The following SNX29 variants were observed in gnomAD, a reference collection of about 807,000 sequenced individuals.
The protein encoded by SNX29 is sorting nexin 29.
A neutral mutation model predicts 102.1 loss-of-function variants in SNX29; 78 were observed. That is an observed-to-expected ratio of 0.76 (90% CI 0.64 to 0.92). The LOEUF is 0.92. Ranked by LOEUF, SNX29 falls within the 40% of genes least tolerant of loss-of-function variation. The probability of loss-of-function intolerance (pLI) is 0.00; values close to 1 mark genes in which losing one functional copy is unlikely to be tolerated. For missense variants in SNX29, 1,280 were observed against 1,061.7 expected, an observed-to-expected ratio of 1.21 and a Z score of -2.86; for synonymous variants, 580 against 414.5, an observed-to-expected ratio of 1.40 and a Z score of -4.85.
intron 14 of SNX29, among the ~76,000 whole-genome samples, chr16:12,262,738 G>A (rs141477169): frequency 8.3e-4 from 126 of 152,330 alleles, no homozygotes; most frequent in Middle Eastern, 3.4e-3. Flanking sequence ...TCTGGACTTA[G>A]GCATTTGAAT....
chr16:12,043,906 C>G (rs2049985612), intron 5 of SNX29, among the ~76,000 whole-genome samples: 1 of 152,112 alleles, frequency 6.6e-6, no homozygotes, highest in African/African-American at 2.4e-5. Context: ...GCCTGTGCCA[C>G]CATACTCAGC....
Position 12,572,896 on chromosome 16 carries a change from G to C in SNX29, c.*4267G>C, listed in dbSNP as rs141498213. ...TGTCTTGACTCTGCCTTGGCATTTC[G>C]CTCGGAATCACGGCAGACTTGGAGT... is the stretch of plus-strand genomic sequence containing the variant. On this transcript the variant is annotated 3_prime_UTR_variant, in exon 21 of 21. Coordinates refer to ENST00000566228, the MANE Select transcript of SNX29 (RefSeq NM_032167.5). The C allele has an allele frequency of 3.8e-5, 40 of 1,039,900 alleles. No homozygotes were observed. The African/African-American group carries it at 5.8e-4, about 15-fold the overall frequency. The allele number at this position is 1,039,900 out of a possible 1,614,324, so 64.4% of individuals were successfully genotyped here.
At chr16:12,242,167 T>G (rs1453007334) in intron 14 of SNX29, among the ~76,000 whole-genome samples, 1 of 151,684 alleles carries the variant, frequency 6.6e-6, no homozygotes, top group Non-Finnish European at 1.5e-5. Flanking sequence ...TGTATGGGGG[T>G]TTAGGTTTCT....
At chr16:12,108,134 G>T (rs1440829182) in intron 11 of SNX29, among the ~76,000 whole-genome samples, 1 of 152,218 alleles carries the variant, frequency 6.6e-6, no homozygotes, top group African/African-American at 2.4e-5. Context: ...AGATGGGCCA[G>T]GCTCTTTTTG....
intron 19 of SNX29, among the ~76,000 whole-genome samples, chr16:12,521,909 T>G (rs2090115865): frequency 1.3e-5 from 2 of 152,188 alleles, no homozygotes; most frequent in Non-Finnish European, 2.9e-5. Context: ...TGTGAGATGT[T>G]AGCCACCAGC....
chr16:12,467,729 T>C (rs1177849542), intron 18 of SNX29, among the ~76,000 whole-genome samples: 1 of 152,132 alleles, frequency 6.6e-6, no homozygotes, highest in Non-Finnish European at 1.5e-5. Flanking sequence ...AGTGTTTCTT[T>C]TGTACTTCCT....
chr16:12,538,000 AAAATT>A (rs1169951410), intron 20 of SNX29, among the ~76,000 whole-genome samples: 4 of 149,774 alleles, frequency 2.7e-5, no homozygotes, highest in African/African-American at 7.5e-5. Flanking sequence ...AAAAAAAAAA[AAAATT>A]GTCTGCCATT....
chr16:12,553,485 C>G (rs74569877), intron 20 of SNX29, among the ~76,000 whole-genome samples: 1,567 of 152,254 alleles, frequency 0.01, 31 homozygotes, highest in African/African-American at 0.036. Context: ...CTGCTTAGAC[C>G]AGGCAGGGCA....
At chr16:12,552,749 TTC>T (rs1207983305) in intron 20 of SNX29, among the ~76,000 whole-genome samples, 1 of 152,216 alleles carries the variant, frequency 6.6e-6, no homozygotes, top group African/African-American at 2.4e-5. Flanking sequence ...GTGAAATCAC[TTC>T]TGATTTAAGG....
intron 11 of SNX29, among the ~76,000 whole-genome samples, chr16:12,107,055 C>G (rs1225062146): frequency 1.3e-5 from 2 of 152,186 alleles, no homozygotes; most frequent in Non-Finnish European, 2.9e-5. Context: ...TGGGCTAAAG[C>G]AATCCTCCCT....
chr16:12,568,444 T>C, intron 20 of SNX29, 62 bp from the exon 21 acceptor site: 3 of 1,593,478 alleles, frequency 1.9e-6, no homozygotes, highest in African/African-American at 1.3e-5. Context: ...CTCCCCTTCC[T>C]GGCCTGTGGT....
intron 20 of SNX29, among the ~76,000 whole-genome samples, chr16:12,555,909 T>TTACA (rs138147666): frequency 0.015 from 2,320 of 152,206 alleles, 54 homozygotes; most frequent in African/African-American, 0.052. Flanking sequence ...GTCTCAAACC[T>TTACA]TATTTTTGCG....
In SNX29 at chr16:12,300,124, G is replaced by C. The variant is rs1022954760; in HGVS notation, c.1782+22088G>C. 2.6e-5 allele frequency among the ~76,000 whole-genome samples: 4 copies of C among 152,140 alleles called. No individual in the cohort carries two copies. In the East Asian group the frequency reaches 7.7e-4, roughly 29 times the overall value. ...TGACTTCAGGTGATCTGCCTGCCTC[G>C]GCCTCCCAAAGTGCTGAGGTTACAC... On this transcript the variant is annotated intron_variant, in intron 15 of 20. Transcript: ENST00000566228.
intron 19 of SNX29, among the ~76,000 whole-genome samples, chr16:12,481,463 TATACAC>T (rs554448769): frequency 0.2 from 28,507 of 141,214 alleles, 3,160 homozygotes; most frequent in South Asian, 0.38. Flanking sequence ...TACATATATA[TATACAC>T]ATATATACAC....
intron 20 of SNX29, among the ~76,000 whole-genome samples, chr16:12,560,187 T>G (rs543487465): frequency 6.4e-4 from 94 of 147,394 alleles, no homozygotes; most frequent in African/African-American, 2.3e-3. Flanking sequence ...AATTCACCAT[T>G]TAACTTGTGC....
intron 20 of SNX29, among the ~76,000 whole-genome samples, chr16:12,565,069 C>T (rs1048590793): frequency 6.6e-6 from 1 of 152,068 alleles, no homozygotes; most frequent in East Asian, 1.9e-4. Flanking sequence ...GCAAAGGGGC[C>T]CAGTGGGGAC....
intron 20 of SNX29, among the ~76,000 whole-genome samples, chr16:12,534,543 G>C (rs995157042): frequency 1.3e-5 from 2 of 152,232 alleles, no homozygotes; most frequent in Non-Finnish European, 2.9e-5. Context: ...AGTTGTGTCA[G>C]TTCAGGGAAA....
intron 19 of SNX29, among the ~76,000 whole-genome samples, chr16:12,482,200 C>T (rs1442196813): frequency 2.0e-5 from 3 of 152,232 alleles, no homozygotes; most frequent in Non-Finnish European, 1.5e-5. Context: ...ACTTGTCCGC[C>T]TGGACCATTG....
In SNX29 at chr16:12,180,644, C is replaced by T. The variant is rs533341451; in HGVS notation, c.1596-18957C>T. On this transcript the variant is annotated intron_variant, in intron 13 of 20. Transcript: ENST00000566228. ...GACTACAGGCGCCCGCCACCACGTC[C>T]GGCTAATTTTTTAAATATTTTTAGT... Among the ~76,000 whole-genome samples, 202 of 152,170 alleles carry T rather than the reference C, an allele frequency of 1.3e-3. 2 individuals are homozygous for T. The highest frequency in any genetic ancestry group is 0.012 in the Admixed American group (184 of 15,286).
Sources: allele counts gnomAD v4.1 joint callset (sites outside exome capture counted in the v4.1 genomes callset), GRCh38; gene constraint gnomAD v4.1.1; transcripts MANE v1.5; gene names NCBI Gene and HGNC (gene_info 2026-07-23, HGNC 2026-07-21).